CNTN6: variants seen among roughly 807,000 people sequenced by gnomAD.
CNTN6 encodes the protein contactin-6.
CNTN6 carries 137 observed loss-of-function variants against 122.8 expected under a neutral mutation model. The observed-to-expected ratio is 1.12, with a 90% CI of 0.97 to 1.29. The LOEUF is 1.29. Ranked by LOEUF, CNTN6 falls within the 50% of genes most tolerant of loss-of-function variation. The pLI is 0.00. For synonymous variants in CNTN6, 570 were observed against 426.0 expected, an observed-to-expected ratio of 1.34 and a Z score of -4.16; for missense variants, 1,634 against 1,223.4, an observed-to-expected ratio of 1.34 and a Z score of -5.01.
At chr3:1,401,756 C>T (rs1325508717) in intron 21 of CNTN6, among the ~76,000 whole-genome samples, 2 of 151,978 alleles carry the variant, frequency 1.3e-5, no homozygotes, top group Admixed American at 6.6e-5. Flanking sequence ...ATCAATAAAT[C>T]AAATTCCATA....
intron 4 of CNTN6, among the ~76,000 whole-genome samples, chr3:1,276,157 T>A (rs1692316637): frequency 6.6e-6 from 1 of 152,196 alleles, no homozygotes; most frequent in African/African-American, 2.4e-5. Context: ...TACTTTCACA[T>A]CTCCCATCCA....
At chr3:1,319,933 A>G (rs1057013629) in intron 7 of CNTN6, among the ~76,000 whole-genome samples, 2 of 151,636 alleles carry the variant, frequency 1.3e-5, no homozygotes, top group African/African-American at 4.8e-5. Context: ...TACATACAAC[A>G]TATGCATTTT....
At chr3:1,378,919 C>T (rs967682090) in intron 17 of CNTN6, among the ~76,000 whole-genome samples, 3 of 152,156 alleles carry the variant, frequency 2.0e-5, no homozygotes, top group South Asian at 4.1e-4. Flanking sequence ...CTACTCCAAA[C>T]ATATTTCCCA....
rs1696044904 is a variant in CNTN6, at chr3:1,404,069, T to C, written c.*651T>C. 1.3e-5 allele frequency: 2 copies of C among 152,112 alleles called. No homozygotes were observed. 9.4% of individuals were successfully genotyped at this position (152,112 alleles called of 1,614,324 possible). ...GGAAATGAGCACCCACCTAAAATAA[T>C]CTTCTAACAACTCTGGTATATATTA... is the stretch of plus-strand genomic sequence containing the variant. On this transcript the variant is annotated 3_prime_UTR_variant, in exon 23 of 23. Coordinates refer to ENST00000446702, the MANE Select transcript of CNTN6 (RefSeq NM_001289080.2).
intron 9 of CNTN6, among the ~76,000 whole-genome samples, chr3:1,326,497 G>A (rs1263093918): frequency 6.6e-6 from 1 of 151,744 alleles, no homozygotes; most frequent in Admixed American, 6.6e-5. Context: ...TCACTACCCA[G>A]TATTTTGCTT....
In CNTN6 at chr3:1,392,839, A is replaced by C. The variant is rs1336313403; in HGVS notation, c.2704+7042A>C. On this transcript the variant is annotated intron_variant, in intron 20 of 22. Transcript: ENST00000446702. Reference sequence around the variant, plus strand: ...CATCACTGGCCATCAGAGAAATGCAAATCAAAACCACAATGAGATACCATC... The same window carrying C: ...CATCACTGGCCATCAGAGAAATGCACATCAAAACCACAATGAGATACCATC... Among the ~76,000 whole-genome samples, 4 of 135,456 alleles carry C rather than the reference A, an allele frequency of 3.0e-5. 1 individual carries two copies. Among genetic ancestry groups the C allele is most frequent in the African/African-American group, 8.2e-5 (3 of 36,370 alleles). 88.9% of individuals were successfully genotyped at this position (135,456 alleles called of 152,430 possible). A position where few individuals can be genotyped will look rare whatever the true frequency, so the allele number is the denominator to read the frequency against.
intron 7 of CNTN6, among the ~76,000 whole-genome samples, chr3:1,312,812 CTT>C (rs746158925): frequency 0.039 from 5,387 of 137,768 alleles, 302 homozygotes; most frequent in African/African-American, 0.13. Context: ...GGTTCAAATC[CTT>C]TTTTTTTTTT....
intron 1 of CNTN6, among the ~76,000 whole-genome samples, chr3:1,099,042 A>T (rs2090708976): frequency 6.6e-6 from 1 of 151,578 alleles, no homozygotes; most frequent in African/African-American, 2.4e-5. Flanking sequence ...ATTGTTATAT[A>T]TGTATGCCTA....
intron 4 of CNTN6, among the ~76,000 whole-genome samples, chr3:1,259,167 C>T (rs755138130): frequency 6.6e-6 from 1 of 151,980 alleles, no homozygotes; most frequent in African/African-American, 2.4e-5. Context: ...GCTAAAAATT[C>T]TCCTTAGATA....
At position 1,388,563 on chromosome 3, in the gene CNTN6, G is replaced by C. The variant is rs1215219025; in HGVS notation, c.2704+2766G>C. 2.6e-5 allele frequency among the ~76,000 whole-genome samples: 4 copies of C among 150,968 alleles called. No homozygotes were observed. In the East Asian group the frequency reaches 7.8e-4, roughly 29 times the overall value. The stretch of plus-strand genomic sequence containing the variant: ...CAGCAACGGAACAAAGCTGGACGGA[G>C]AATGACTTTGACGAGCTGAGAGAAG... On this transcript the variant is annotated intron_variant, in intron 20 of 22. Coordinates refer to ENST00000446702, the MANE Select transcript of CNTN6 (RefSeq NM_001289080.2).
chr3:1,220,894 A>G, intron 3 of CNTN6, 81 bp downstream of exon 3: 1 of 1,430,804 alleles, frequency 7.0e-7, no homozygotes, highest in Non-Finnish European at 9.3e-7. Flanking sequence ...GTGTTTTATA[A>G]AATGTCCTAA....
At chr3:1,124,607 T>C (rs755042528) in intron 1 of CNTN6, among the ~76,000 whole-genome samples, 1 of 151,906 alleles carries the variant, frequency 6.6e-6, no homozygotes, top group Admixed American at 6.6e-5. Context: ...GGTCTAGTGA[T>C]AGGTGCTCTA....
At chr3:1,320,406 C>G (rs1265141629) in intron 7 of CNTN6, among the ~76,000 whole-genome samples, 2 of 151,620 alleles carry the variant, frequency 1.3e-5, no homozygotes, top group Non-Finnish European at 3.0e-5. Flanking sequence ...TTGCTTGAAG[C>G]TTCTACTGAG....
At chr3:1,102,547 G>A (rs894920363) in intron 1 of CNTN6, among the ~76,000 whole-genome samples, 5 of 150,856 alleles carry the variant, frequency 3.3e-5, no homozygotes, top group Non-Finnish European at 5.9e-5. Context: ...TGGCTAACAC[G>A]GTGAAACCCC....
intron 5 of CNTN6, among the ~76,000 whole-genome samples, chr3:1,289,568 C>T (rs1184992775): frequency 6.6e-6 from 1 of 152,086 alleles, no homozygotes; most frequent in African/African-American, 2.4e-5. Flanking sequence ...ACCACTCAAA[C>T]GCAAATATAC....
chr3:1,105,052 G>C (rs1399603710), intron 1 of CNTN6, among the ~76,000 whole-genome samples: 3 of 152,020 alleles, frequency 2.0e-5, no homozygotes, highest in Admixed American at 2.0e-4. Flanking sequence ...AGTACAATTT[G>C]CATGTCAAAT....
intron 7 of CNTN6, among the ~76,000 whole-genome samples, chr3:1,315,795 T>C (rs1490181487): frequency 4.0e-5 from 6 of 151,838 alleles, no homozygotes; most frequent in Non-Finnish European, 8.8e-5. Flanking sequence ...GAAGTGAACA[T>C]GACTACTATG....
intron 1 of CNTN6, among the ~76,000 whole-genome samples, chr3:1,144,999 G>A (rs2092694527): frequency 6.6e-6 from 1 of 152,112 alleles, no homozygotes; most frequent in African/African-American, 2.4e-5. Context: ...AGTAGGGGCT[G>A]TTTTTGGGTG....
chr3:1,385,573 G>A (rs1692754786), intron 19 of CNTN6, 38 bp from the exon 20 acceptor site: 1 of 1,498,754 alleles, frequency 6.7e-7, no homozygotes, highest in African/African-American at 1.4e-5. Context: ...TAGTTATTGG[G>A]GAACAATAAA....
Sources: gnomAD v4.1 joint callset for allele counts (sites outside exome capture counted in the v4.1 genomes callset) on GRCh38, gnomAD v4.1.1 for gene constraint, MANE v1.5 for transcripts, NCBI Gene and HGNC (gene_info 2026-07-23, HGNC 2026-07-21) for gene names.